Variants in COLEC10 observed in about 807,000 individuals in gnomAD.
COLEC10 encodes collectin-10.
Under a neutral mutation model 28.4 loss-of-function variants are expected in COLEC10, and 22 were observed. That is an observed-to-expected ratio of 0.78 (90% confidence interval 0.55 to 1.11). COLEC10 has a LOEUF of 1.11. Ranked by LOEUF, COLEC10 falls within the 50% of genes least tolerant of loss-of-function variation. COLEC10 has a pLI of 0.00. For synonymous variants in COLEC10, 125 were observed against 116.1 expected, an observed-to-expected ratio of 1.08 and a Z score of -0.49; for missense variants, 361 against 344.1, an observed-to-expected ratio of 1.05 and a Z score of -0.39.
At chr8:119,073,194 C>T (rs1343413659) in intron 1 of COLEC10, among the ~76,000 whole-genome samples, 2 of 152,206 alleles carry the variant, frequency 1.3e-5, no homozygotes, top group Admixed American at 1.3e-4. Context: ...TAATAGGCAG[C>T]AGGACTAGAA....
the COLEC10 span, among the ~76,000 whole-genome samples, chr8:118,979,926 G>A: frequency 6.6e-6 from 1 of 152,028 alleles, no homozygotes; most frequent in Admixed American, 6.6e-5. Flanking sequence ...TTCCTCATGG[G>A]TTGTTGGACT....
chr8:118,965,515 AGGTTCTGGTGACCGGGGCT>A, the COLEC10 span, among the ~76,000 whole-genome samples: 2 of 152,028 alleles, frequency 1.3e-5, no homozygotes, highest in African/African-American at 4.8e-5. Flanking sequence ...GATTCCTGGT[AGGTTCTGGTGACCGGGGCT>A]GAGCCACACA....
At chr8:119,069,361 A>G (rs1042108638) in intron 1 of COLEC10, among the ~76,000 whole-genome samples, 12 of 151,838 alleles carry the variant, frequency 7.9e-5, no homozygotes, top group African/African-American at 2.4e-4. Context: ...TTGGGAGGCC[A>G]AGGCAGGTGG....
At chr8:118,999,993 T>C (rs1813663270) in intron 1 of COLEC10, among the ~76,000 whole-genome samples, 1 of 152,096 alleles carries the variant, frequency 6.6e-6, no homozygotes. Context: ...TGAAGGCATA[T>C]TTGTATGCAA....
At chr8:119,084,034 A>C (rs949466600) in intron 1 of COLEC10, among the ~76,000 whole-genome samples, 3 of 152,190 alleles carry the variant, frequency 2.0e-5, no homozygotes, top group African/African-American at 7.2e-5. Flanking sequence ...TCTTCATTCA[A>C]AATCCATGCT....
intron 2 of COLEC10, among the ~76,000 whole-genome samples, chr8:119,057,742 A>G (rs1055329231): frequency 6.6e-6 from 1 of 152,088 alleles, no homozygotes; most frequent in Non-Finnish European, 1.5e-5. Context: ...TCCCATCATT[A>G]TATGCCTATA....
intron 3 of COLEC10, among the ~76,000 whole-genome samples, chr8:119,099,112 C>T (rs1024061908): frequency 5.3e-5 from 8 of 152,036 alleles, no homozygotes; most frequent in African/African-American, 1.4e-4. Flanking sequence ...AATCCATTTA[C>T]GCTGAAAGCA....
chr8:119,017,180 A>G (rs1587000073), intron 2 of COLEC10, among the ~76,000 whole-genome samples: 1 of 152,216 alleles, frequency 6.6e-6, no homozygotes, highest in Non-Finnish European at 1.5e-5. Context: ...TAAGTGACGT[A>G]TCCGAGGATA....
At chr8:118,972,402 G>T in the COLEC10 span, among the ~76,000 whole-genome samples, 1 of 151,900 alleles carries the variant, frequency 6.6e-6, no homozygotes, top group African/African-American at 2.4e-5. Flanking sequence ...CCATCTCCCA[G>T]GGAGAATGTG....
At chr8:119,028,572 C>T (rs1357864486) in intron 2 of COLEC10, among the ~76,000 whole-genome samples, 35 of 152,064 alleles carry the variant, frequency 2.3e-4, no homozygotes, top group Admixed American at 2.0e-3. Context: ...GAGAATAGCA[C>T]GGGAAAGATC....
intron 2 of COLEC10, among the ~76,000 whole-genome samples, chr8:119,058,234 C>T (rs1282152429): frequency 2.0e-5 from 3 of 151,944 alleles, no homozygotes; most frequent in African/African-American, 7.2e-5. Flanking sequence ...ATGCAGTTTT[C>T]ATGATAGGTT....
the COLEC10 span, among the ~76,000 whole-genome samples, chr8:118,956,682 C>A: frequency 6.6e-6 from 1 of 152,064 alleles, no homozygotes; most frequent in African/African-American, 2.4e-5. Flanking sequence ...GGCTTCTGAA[C>A]AAATAAATGT....
At chr8:119,067,494 C>G in intron 1 of COLEC10, 65 bp downstream of exon 1, 1 of 1,448,568 alleles carries the variant, frequency 6.9e-7, no homozygotes, top group East Asian at 2.3e-5. Context: ...TCTCTGAACC[C>G]CTTCCTAGAT....
chr8:119,011,130 T>A (rs1025348733), intron 2 of COLEC10, among the ~76,000 whole-genome samples: 1 of 151,056 alleles, frequency 6.6e-6, no homozygotes, highest in Non-Finnish European at 1.5e-5. Flanking sequence ...TACAATTAGG[T>A]CTGTGATTCA....
chr8:119,041,591 C>T (rs1219097281), intron 2 of COLEC10, among the ~76,000 whole-genome samples: 2 of 152,152 alleles, frequency 1.3e-5, no homozygotes, highest in East Asian at 3.9e-4. Flanking sequence ...ATTTTGTGTG[C>T]TTATGAAATT....
chr8:119,001,721 A>G (rs1395335406), intron 1 of COLEC10, among the ~76,000 whole-genome samples: 3 of 151,612 alleles, frequency 2.0e-5, no homozygotes, highest in Admixed American at 1.3e-4. Context: ...AAACAAACAA[A>G]CAAAAAACCC....
intron 2 of COLEC10, among the ~76,000 whole-genome samples, chr8:119,037,372 T>C (rs1814408152): frequency 6.6e-6 from 1 of 152,176 alleles, no homozygotes; most frequent in Non-Finnish European, 1.5e-5. Flanking sequence ...TAAGAATAAA[T>C]AAGTATATGC....
chr8:118,975,660 T>C, the COLEC10 span, among the ~76,000 whole-genome samples: 2 of 152,016 alleles, frequency 1.3e-5, no homozygotes, highest in African/African-American at 4.8e-5. Flanking sequence ...CTATTAATCT[T>C]GCCTTCTCTC....
intron 2 of COLEC10, among the ~76,000 whole-genome samples, chr8:119,036,096 A>G (rs1814384471): frequency 6.6e-6 from 1 of 152,224 alleles, no homozygotes; most frequent in Non-Finnish European, 1.5e-5. Context: ...CGGTTTTAAA[A>G]AACAAAACAG....
Sources: gnomAD v4.1 joint callset for allele counts (sites outside exome capture counted in the v4.1 genomes callset) on GRCh38, gnomAD v4.1.1 for gene constraint, MANE v1.5 for transcripts, NCBI Gene and HGNC (gene_info 2026-07-23, HGNC 2026-07-21) for gene names.